MBNL1: variants seen among roughly 807,000 people sequenced by gnomAD.
The protein encoded by MBNL1 is muscleblind like splicing regulator 1, also known as muscleblind-like protein 1.
Under a neutral mutation model 42.2 loss-of-function variants are expected in MBNL1, and 8 were observed. The ratio of observed to expected loss-of-function variants is 0.19; its 90% CI spans 0.11 to 0.34. The LOEUF (loss-of-function observed/expected upper bound fraction) is 0.34, where lower values mean the gene tolerates loss of function less well. Among genes scored for constraint, MBNL1 ranks in the 10% least tolerant of loss-of-function variants. MBNL1 has a pLI of 1.00. For synonymous variants in MBNL1, 169 were observed against 173.9 expected (o/e 0.97, Z 0.22); for missense variants, 309 against 495.3 (o/e 0.62, Z 3.57).
At chr3:152,287,020 C>T (rs771137938) in intron 1 of MBNL1, among the ~76,000 whole-genome samples, 44 of 152,094 alleles carry the variant, frequency 2.9e-4, no homozygotes, top group Non-Finnish European at 5.1e-4. Context: ...GAGATTGAGA[C>T]CATCCTGGCT....
Position 152,383,675 on chromosome 3 carries a change from G to A in MBNL1, c.175-31266G>A, listed in dbSNP as rs376493304. On this transcript the variant is annotated intron_variant, in intron 2 of 9. Coordinates refer to ENST00000324210, the MANE Select transcript of MBNL1 (RefSeq NM_021038.5). ...TGTAGAATCATCTGGGCAGCTGTGC[G>A]TTGTATTCATGCTGAGGTGATAGAT... Among the ~76,000 whole-genome samples the A allele has an allele frequency of 9.7e-4, 148 of 152,190 alleles. 1 individual carries two copies. The South Asian group carries it at 0.012, about 13-fold the overall frequency.
chr3:152,384,497 A>G (rs2097325394), intron 2 of MBNL1, among the ~76,000 whole-genome samples: 2 of 152,164 alleles, frequency 1.3e-5, no homozygotes, highest in Admixed American at 6.6e-5. Context: ...TTTAAAAACC[A>G]TCAAACTTCA....
intron 3 of MBNL1, among the ~76,000 whole-genome samples, chr3:152,426,318 G>A (rs555186320): frequency 1.7e-4 from 26 of 152,166 alleles, no homozygotes; most frequent in East Asian, 5.8e-4. Context: ...AAACCTGCAC[G>A]TTCTGCACAT....
chr3:152,390,152 TA>T (rs914352354), intron 2 of MBNL1, among the ~76,000 whole-genome samples: 110 of 142,486 alleles, frequency 7.7e-4, no homozygotes, highest in South Asian at 8.9e-4. Context: ...AATTTATAAT[TA>T]AAAAAAAAAA....
At chr3:152,301,155 ATTTAC>A (rs1256602801) in intron 2 of MBNL1, among the ~76,000 whole-genome samples, 3 of 152,126 alleles carry the variant, frequency 2.0e-5, no homozygotes, top group Non-Finnish European at 2.9e-5. Flanking sequence ...ATACTAAAAT[ATTTAC>A]TTTAGTGTTT....
rs548229720 is a variant in MBNL1 at position 152,369,309 on chromosome 3, C to T, written c.175-45632C>T. Among the ~76,000 whole-genome samples, 37 of 152,192 alleles carry T rather than the reference C, an allele frequency of 2.4e-4. No individual in the cohort carries two copies. In the South Asian group the frequency reaches 6.2e-3, roughly 26 times the overall value. ...TTGGTTCTGTTTATGTGATGGATTACGTTTATTGATTTGCATATGTTGAAC... is the reference window on the plus strand; with the variant it reads ...TTGGTTCTGTTTATGTGATGGATTATGTTTATTGATTTGCATATGTTGAAC... On this transcript the variant is annotated intron_variant, in intron 2 of 9. Coordinates refer to ENST00000324210, the MANE Select transcript of MBNL1 (RefSeq NM_021038.5).
intron 2 of MBNL1, among the ~76,000 whole-genome samples, chr3:152,323,367 A>G (rs1283839712): frequency 6.6e-6 from 1 of 152,138 alleles, no homozygotes; most frequent in Non-Finnish European, 1.5e-5. Context: ...GTGTAAACAT[A>G]CAAATATGAA....
At chr3:152,327,185 A>G (rs1223461658) in intron 2 of MBNL1, among the ~76,000 whole-genome samples, 1 of 152,056 alleles carries the variant, frequency 6.6e-6, no homozygotes, top group Non-Finnish European at 1.5e-5. Flanking sequence ...TGGTAATATT[A>G]TCAAAAAAGT....
chr3:152,404,995 G>A (rs2098388572), intron 2 of MBNL1, among the ~76,000 whole-genome samples: 1 of 150,006 alleles, frequency 6.7e-6, no homozygotes, highest in Admixed American at 6.6e-5. Context: ...AAAAAAAAAT[G>A]ACAAGTAAAT....
chr3:152,281,491 T>G (rs938420828), intron 1 of MBNL1, among the ~76,000 whole-genome samples: 3 of 152,050 alleles, frequency 2.0e-5, no homozygotes, highest in Admixed American at 1.3e-4. Context: ...TCACTAGCTT[T>G]GAAAGGAGGG....
At chr3:152,364,504 AAC>A (rs1386019931) in intron 2 of MBNL1, among the ~76,000 whole-genome samples, 4 of 152,210 alleles carry the variant, frequency 2.6e-5, no homozygotes, top group Admixed American at 6.6e-5. Context: ...TGGGAGTTGA[AAC>A]ATATCTGCCA....
chr3:152,385,161 A>G (rs574991635), intron 2 of MBNL1, among the ~76,000 whole-genome samples: 75 of 152,194 alleles, frequency 4.9e-4, no homozygotes, highest in African/African-American at 1.8e-3. Context: ...CTTAAGGTGC[A>G]TGTTTTTAAA....
chr3:152,329,278 G>T (rs2082493887), intron 2 of MBNL1, among the ~76,000 whole-genome samples: 1 of 151,944 alleles, frequency 6.6e-6, no homozygotes, highest in Admixed American at 6.6e-5. Context: ...TTTTGTTAGG[G>T]ATTATAAAAT....
chr3:152,371,589 T>A (rs1401671465), intron 2 of MBNL1, among the ~76,000 whole-genome samples: 2 of 152,140 alleles, frequency 1.3e-5, no homozygotes, highest in East Asian at 3.9e-4. Context: ...AGAGTGAAAC[T>A]CCATCTCACA....
chr3:152,368,495 G>C (rs1258211419), intron 2 of MBNL1, among the ~76,000 whole-genome samples: 4 of 152,074 alleles, frequency 2.6e-5, no homozygotes, highest in African/African-American at 9.7e-5. Flanking sequence ...GCTTATACAG[G>C]CTCTTTTTTG....
intron 3 of MBNL1, among the ~76,000 whole-genome samples, chr3:152,423,967 A>G (rs957881836): frequency 6.6e-6 from 1 of 152,234 alleles, no homozygotes; most frequent in African/African-American, 2.4e-5. Flanking sequence ...CCCATAGCCA[A>G]TATCATACTG....
chr3:152,415,834 G>C (rs1384687876), intron 3 of MBNL1, among the ~76,000 whole-genome samples: 1 of 152,170 alleles, frequency 6.6e-6, no homozygotes, highest in Admixed American at 6.5e-5. Context: ...TCTGGAGTAT[G>C]TGTGTAATAA....
intron 3 of MBNL1, among the ~76,000 whole-genome samples, chr3:152,417,231 G>A (rs567986515): frequency 1.2e-4 from 18 of 147,402 alleles, no homozygotes; most frequent in African/African-American, 4.0e-4. Flanking sequence ...ATGACATGGA[G>A]ATTCAGAAAT....
chr3:152,453,027 A>G (rs1726510606), intron 6 of MBNL1, among the ~76,000 whole-genome samples: 3 of 151,616 alleles, frequency 2.0e-5, no homozygotes, highest in Admixed American at 2.0e-4. Flanking sequence ...ATCATTTATA[A>G]TTATGTATAT....
Sources: gnomAD v4.1 joint callset for allele counts (sites outside exome capture counted in the v4.1 genomes callset) on GRCh38, gnomAD v4.1.1 for gene constraint, MANE v1.5 for transcripts, NCBI Gene and HGNC (gene_info 2026-07-23, HGNC 2026-07-21) for gene names.